RASEF: variants seen among roughly 807,000 people sequenced by gnomAD.
RASEF encodes the protein RAS and EF-hand domain containing, also known as ras and EF-hand domain-containing protein.
In RASEF, 68 loss-of-function variants were observed where a neutral mutation model predicts 90.1. The observed-to-expected ratio is 0.75, with a 90% CI of 0.62 to 0.92. The LOEUF (loss-of-function observed/expected upper bound fraction) is 0.92, where lower values mean the gene tolerates loss of function less well. Ranked by LOEUF, RASEF falls within the 40% of genes least tolerant of loss-of-function variation. The pLI is 0.00. For missense variants in RASEF, 949 were observed against 937.2 expected, an observed-to-expected ratio of 1.01 and a Z score of -0.16; for synonymous variants, 331 against 345.2, an observed-to-expected ratio of 0.96 and a Z score of 0.46.
At chr9:83,067,268 A>C (rs2117947613), upstream of RASEF, among the ~76,000 whole-genome samples, 2 of 152,330 alleles carry the variant, frequency 1.3e-5, no homozygotes, top group Non-Finnish European at 2.9e-5. Flanking sequence ...ACACTCTGAA[A>C]CATACATACC....
chr9:83,196,067 G>A, the RASEF span, among the ~76,000 whole-genome samples: 14 of 152,198 alleles, frequency 9.2e-5, no homozygotes, highest in Middle Eastern at 6.8e-3. Context: ...AAGGTGTTTC[G>A]CCTGAGTGAC....
the RASEF span, among the ~76,000 whole-genome samples, chr9:83,095,049 G>T: frequency 1.3e-5 from 2 of 152,252 alleles, no homozygotes; most frequent in South Asian, 4.1e-4. Context: ...CCGGGAAAGG[G>T]CAATTAGGAC....
chr9:83,029,281 C>A (rs904706313), intron 1 of RASEF, among the ~76,000 whole-genome samples: 1 of 152,206 alleles, frequency 6.6e-6, no homozygotes, highest in East Asian at 1.9e-4. Flanking sequence ...CAAAATCAAT[C>A]CACAGACCAA....
chr9:83,136,766 A>G, the RASEF span, among the ~76,000 whole-genome samples: 1 of 152,130 alleles, frequency 6.6e-6, no homozygotes, highest in Non-Finnish European at 1.5e-5. Context: ...TATGAAATAC[A>G]AGAAAATGTT....
At chr9:83,157,647 T>C in the RASEF span, among the ~76,000 whole-genome samples, 1,015 of 152,338 alleles carry the variant, frequency 6.7e-3, 8 homozygotes, top group Admixed American at 0.01. Context: ...ATAAAGAAGT[T>C]TTCTCATTTT....
At chr9:83,167,905 C>A in the RASEF span, among the ~76,000 whole-genome samples, 16 of 152,214 alleles carry the variant, frequency 1.1e-4, no homozygotes, top group African/African-American at 3.1e-4. Flanking sequence ...ATTATGCACC[C>A]ACCAGTTGAT....
At chr9:83,008,891 C>CATAT (rs56810511) in intron 6 of RASEF, among the ~76,000 whole-genome samples, 230 of 19,498 alleles carry the variant, frequency 0.012, 14 homozygotes, top group Middle Eastern at 0.05. Flanking sequence ...AAGTTCTCAT[C>CATAT]ATATATATAT....
At chr9:83,095,844 C>T in the RASEF span, among the ~76,000 whole-genome samples, 1 of 151,996 alleles carries the variant, frequency 6.6e-6, no homozygotes, top group Non-Finnish European at 1.5e-5. Flanking sequence ...ATTCATGATC[C>T]CTTTTCTTAG....
Position 83,001,228 on chromosome 9 carries a change from C to A in RASEF, c.1203-98G>T, listed in dbSNP as rs1218582211. The A allele has an allele frequency of 5.0e-6, 4 of 802,686 alleles. No individual in the cohort carries two copies. In the African/African-American group the frequency reaches 5.1e-5, roughly 10 times the overall value. The allele number at this position is 802,686 out of a possible 1,614,324, so 49.7% of individuals were successfully genotyped here. ...TGCCATTAGATGGAATCAAGTAGGC[C>A]GACTGTGGCTAAGAGCCGCAGTGTT... On this transcript the variant is annotated intron_variant, in intron 9 of 16. Transcript: ENST00000376447.
At chr9:83,101,082 A>C in the RASEF span, among the ~76,000 whole-genome samples, 1 of 152,204 alleles carries the variant, frequency 6.6e-6, no homozygotes, top group East Asian at 1.9e-4. Flanking sequence ...AGATACTAGG[A>C]GATTCTGTCC....
chr9:83,058,619 A>G (rs1322327590), intron 1 of RASEF, among the ~76,000 whole-genome samples: 2 of 152,200 alleles, frequency 1.3e-5, no homozygotes, highest in Non-Finnish European at 2.9e-5. Context: ...GGGCTAAACT[A>G]GAACCCAAGA....
At chr9:83,199,577 C>T in the RASEF span, among the ~76,000 whole-genome samples, 13 of 152,318 alleles carry the variant, frequency 8.5e-5, no homozygotes, top group South Asian at 2.7e-3. Context: ...AATCCTCTTA[C>T]GCAGTTTCTT....
intron 16 of RASEF, among the ~76,000 whole-genome samples, chr9:82,983,887 C>T (rs530245364): frequency 7.2e-5 from 11 of 152,228 alleles, no homozygotes; most frequent in South Asian, 6.2e-4. Context: ...ACATCCAGCC[C>T]GAGCCACAGC....
chr9:83,206,999 T>A, the RASEF span, among the ~76,000 whole-genome samples: 1 of 152,148 alleles, frequency 6.6e-6, no homozygotes, highest in Non-Finnish European at 1.5e-5. Flanking sequence ...ATATGACACC[T>A]GACTCTGATT....
chr9:83,112,319 A>T, the RASEF span, among the ~76,000 whole-genome samples: 2 of 152,344 alleles, frequency 1.3e-5, no homozygotes, highest in East Asian at 3.9e-4. Context: ...TTACATATAA[A>T]AGTAAACATT....
At chr9:82,992,865 C>A (rs770606072) in intron 15 of RASEF, 41 bp downstream of exon 15, 2 of 1,604,238 alleles carry the variant, frequency 1.2e-6, no homozygotes, top group Admixed American at 3.4e-5. Context: ...AGCCATTAAA[C>A]CCCATGTTCT....
chr9:82,994,409 A>T (rs760619406), intron 14 of RASEF, among the ~76,000 whole-genome samples: 4 of 152,210 alleles, frequency 2.6e-5, no homozygotes. Flanking sequence ...TGTCCTTCCC[A>T]GTGAGGCTAC....
the RASEF span, among the ~76,000 whole-genome samples, chr9:83,120,248 A>G: frequency 1.3e-5 from 2 of 152,226 alleles, no homozygotes; most frequent in African/African-American, 2.4e-5. Flanking sequence ...GGGAAGGTCA[A>G]TTGTGATATT....
At chr9:83,055,339 C>G (rs542885409) in intron 1 of RASEF, 112 of 413,410 alleles carry the variant, frequency 2.7e-4, no homozygotes, top group African/African-American at 1.3e-3. Flanking sequence ...TTCTTTGACT[C>G]GGAAAGGGAA....
Sources: allele counts gnomAD v4.1 joint callset (sites outside exome capture counted in the v4.1 genomes callset), GRCh38; gene constraint gnomAD v4.1.1; transcripts MANE v1.5; gene names NCBI Gene and HGNC (gene_info 2026-07-23, HGNC 2026-07-21).